MROH2B: variants seen among roughly 807,000 people sequenced by gnomAD.
MROH2B encodes maestro heat like repeat family member 2B.
MROH2B carries 177 observed loss-of-function variants against 208.6 expected under a neutral mutation model. That is an observed-to-expected ratio of 0.85 (90% CI 0.75 to 0.96). The LOEUF (loss-of-function observed/expected upper bound fraction) is 0.96, where lower values mean the gene tolerates loss of function less well. Ranked by LOEUF, MROH2B falls within the 40% of genes least tolerant of loss-of-function variation. MROH2B has a pLI of 0.00. For synonymous variants in MROH2B, 728 were observed against 659.0 expected, an observed-to-expected ratio of 1.10 and a Z score of -1.60; for missense variants, 2,002 against 1,878.7, an observed-to-expected ratio of 1.07 and a Z score of -1.21.
intron 29 of MROH2B, among the ~76,000 whole-genome samples, chr5:41,013,604 A>G (rs1741842821): frequency 2.0e-5 from 3 of 152,192 alleles, no homozygotes; most frequent in African/African-American, 7.2e-5. Flanking sequence ...TTGCACATCC[A>G]AACCATTTGC....
intron 24 of MROH2B, among the ~76,000 whole-genome samples, chr5:41,024,411 A>G (rs1742274938): frequency 6.6e-6 from 1 of 152,172 alleles, no homozygotes; most frequent in African/African-American, 2.4e-5. Context: ...CAGACTTTAA[A>G]CCAAAAAAGA....
intron 2 of MROH2B, among the ~76,000 whole-genome samples, chr5:41,068,700 T>C (rs1743885531): frequency 6.9e-6 from 1 of 144,054 alleles, no homozygotes; most frequent in Non-Finnish European, 1.5e-5. Context: ...TCAATGTTTC[T>C]GGGATCCGGA....
chr5:41,043,771 T>TG (rs1743032441), intron 18 of MROH2B, among the ~76,000 whole-genome samples: 1 of 152,194 alleles, frequency 6.6e-6, no homozygotes. Context: ...GAATCTGGGC[T>TG]GGCTTTTTGA....
intron 12 of MROH2B, among the ~76,000 whole-genome samples, chr5:41,051,777 G>A (rs1225043433): frequency 6.6e-6 from 1 of 152,126 alleles, no homozygotes; most frequent in African/African-American, 2.4e-5. Context: ...TGAACTGTGA[G>A]AAATAAATAT....
Position 41,051,015 on chromosome 5 carries a change from A to G in MROH2B, c.1306T>C (p.Leu436=). ...ATGACCAGTGGGTCCAGGGTTTTTAAGACCTCAAGGCTTGTTTCTCGGACA... is the reference window on the plus strand; with the variant it reads ...ATGACCAGTGGGTCCAGGGTTTTTAGGACCTCAAGGCTTGTTTCTCGGACA... ...ESVRETSLEV[L]KTLDPLVIGM... The change falls in exon 13 of 42, where the codon TTA becomes CTA. Residue 436 remains leucine (L), a synonymous_variant. Transcript: ENST00000399564. 1 of 1,567,022 alleles carries G rather than the reference A, an allele frequency of 6.4e-7. No individual in the cohort carries two copies. The highest frequency in any genetic ancestry group is 8.6e-7 in the Non-Finnish European group (1 of 1,162,382).
chr5:41,049,267 T>C lies in MROH2B; in HGVS notation c.1501+13A>G, dbSNP rs534554810. 2 of 1,612,808 alleles carry C rather than the reference T, an allele frequency of 1.2e-6. No homozygotes were observed. The highest frequency in any genetic ancestry group is 1.7e-5 in the Admixed American group (1 of 59,786). On this transcript the variant is annotated intron_variant, in intron 14 of 41. Coordinates refer to ENST00000399564, the MANE Select transcript of MROH2B (RefSeq NM_173489.5). ...TAATAGAAAAGCTTTTCTGTGTTTA[T>C]GAATGTACAGACCAGCTCCTGTAGA...
intron 32 of MROH2B, 54 bp downstream of exon 32, chr5:41,009,226 T>A: frequency 6.2e-7 from 1 of 1,604,200 alleles, no homozygotes; most frequent in Non-Finnish European, 8.5e-7. Flanking sequence ...TGGGGATAGA[T>A]CATAAAGATG....
chr5:41,069,833 T>A lies in MROH2B; in HGVS notation c.29-81A>T, dbSNP rs902798797. 1.5e-5 allele frequency: 15 copies of A among 1,023,668 alleles called. No individual in the cohort carries two copies. The African/African-American group carries it at 2.3e-4, about 16-fold the overall frequency. 63.4% of individuals were successfully genotyped at this position (1,023,668 alleles called of 1,614,324 possible). A position where few individuals can be genotyped will look rare whatever the true frequency, so the allele number is the denominator to read the frequency against. ...ATTATTTTGTAATCAACACAGAAAG[T>A]TCATTCATTCATTTATCCTCTCTCT... On this transcript the variant is annotated intron_variant, in intron 1 of 41. Coordinates refer to ENST00000399564, the MANE Select transcript of MROH2B (RefSeq NM_173489.5).
Position 41,066,216 on chromosome 5 carries a change from T to C in MROH2B, c.202-726A>G, listed in dbSNP as rs560209464. On this transcript the variant is annotated intron_variant, in intron 3 of 41. Transcript: ENST00000399564. ...ATAATCATGTCCAGTATTGGTGGTA[T>C]TGGGAAAGATTTCTGATTTTGGTGA... Among the ~76,000 whole-genome samples, 8 of 152,304 alleles carry C rather than the reference T, an allele frequency of 5.3e-5. 1 individual carries two copies. The highest frequency in any genetic ancestry group is 1.9e-4 in the African/African-American group (8 of 41,560).
At chr5:41,068,666 G>A (rs1561311078) in intron 2 of MROH2B, among the ~76,000 whole-genome samples, 1 of 152,128 alleles carries the variant, frequency 6.6e-6, no homozygotes, top group Non-Finnish European at 1.5e-5. Flanking sequence ...TATATTCTCT[G>A]ATCCCTTTAC....
Position 40,998,036 on chromosome 5 carries a change from T to C in MROH2B, c.*16A>G, listed in dbSNP as rs1240352242. 2.5e-6 allele frequency: 4 copies of C among 1,577,026 alleles called. No homozygotes were observed. In the African/African-American group the frequency reaches 5.4e-5, roughly 21 times the overall value. On this transcript the variant is annotated 3_prime_UTR_variant, in exon 42 of 42. Transcript: ENST00000399564. ...AGTCAGATATAGGAAAAGCCAGCAG[T>C]TTATTTCTTGATGGCTTACAGAGGA...
At chr5:41,012,479 C>A in intron 30 of MROH2B, 104 bp downstream of exon 30, 5 of 1,270,100 alleles carry the variant, frequency 3.9e-6, no homozygotes, top group East Asian at 2.5e-5. Flanking sequence ...GTTGTGCAAG[C>A]CTTTGCATGC....
chr5:41,034,423 G>C (rs150463327), intron 21 of MROH2B, among the ~76,000 whole-genome samples: 2 of 152,000 alleles, frequency 1.3e-5, no homozygotes, highest in Non-Finnish European at 2.9e-5. Flanking sequence ...ACTGAGCCAC[G>C]TAGGAATACT....
intron 21 of MROH2B, among the ~76,000 whole-genome samples, chr5:41,038,331 C>A (rs967368283): frequency 6.6e-6 from 1 of 152,108 alleles, no homozygotes; most frequent in Non-Finnish European, 1.5e-5. Flanking sequence ...GAGATCACTA[C>A]GGATATGATT....
chr5:41,057,574 T>TTTTTTTTTTTA (rs1561304757), intron 7 of MROH2B, among the ~76,000 whole-genome samples: 2 of 142,728 alleles, frequency 1.4e-5, no homozygotes, highest in African/African-American at 5.2e-5. Flanking sequence ...TTTTTTTTTT[T>TTTTTTTTTTTA]GAGACGGAGT....
intron 24 of MROH2B, among the ~76,000 whole-genome samples, chr5:41,020,975 A>T (rs571301601): frequency 6.6e-6 from 1 of 152,338 alleles, no homozygotes; most frequent in African/African-American, 2.4e-5. Context: ...TTAAAAAGGT[A>T]TCTAAATTGG....
chr5:41,012,493 C>G, intron 30 of MROH2B, 90 bp downstream of exon 30: 1 of 1,383,462 alleles, frequency 7.2e-7, no homozygotes, highest in Non-Finnish European at 9.8e-7. Flanking sequence ...TGCATGCTGC[C>G]CATCAGTGGA....
rs1267443440 is a variant in MROH2B, at chr5:41,004,371, A to C, written c.4169T>G (p.Leu1390Arg). Reference sequence around the variant, plus strand: ...ATCTTCAAAGAAGGTCCTTGTTTGCAGCACTATTTCCTTGAAGTAGAAGCT... The same window carrying C: ...ATCTTCAAAGAAGGTCCTTGTTTGCCGCACTATTTCCTTGAAGTAGAAGCT... ...DVSFYFKEIV[L>R]QTRTFFEDEQ... Residue 1390 changes from leucine (L) to arginine (R), a missense_variant, in exon 37 of 42, where the codon CTG (leucine) becomes CGG (arginine). Coordinates refer to ENST00000399564, the MANE Select transcript of MROH2B (RefSeq NM_173489.5). 1 of 1,613,578 alleles carries C rather than the reference A, an allele frequency of 6.2e-7. No individual in the cohort carries two copies. Among genetic ancestry groups the C allele is most frequent in the Admixed American group, 1.7e-5 (1 of 59,882 alleles).
chr5:41,045,777 A>C lies in MROH2B; in HGVS notation c.1805T>G (p.Met602Arg). 1 of 1,613,574 alleles carries C rather than the reference A, an allele frequency of 6.2e-7. No individual in the cohort carries two copies. Among genetic ancestry groups the C allele is most frequent in the South Asian group, 1.1e-5 (1 of 91,076 alleles). The change falls in exon 18 of 42, where the codon ATG becomes AGG. Residue 602 changes from methionine to arginine, a missense_variant. Physicochemically the swap from Met to Arg is moderately conservative, Grantham distance 91. Coordinates refer to ENST00000399564, the MANE Select transcript of MROH2B (RefSeq NM_173489.5). ...AGTGGAGTTATTGCTGTAACTGCCCATTTGCTGTTTGAAATCCTGAGTCAG... is the reference window on the plus strand; with the variant it reads ...AGTGGAGTTATTGCTGTAACTGCCCCTTTGCTGTTTGAAATCCTGAGTCAG... ...IQLTQDFKQQ[M>R]GSYSNNSTEK...
Sources: gnomAD v4.1 joint callset for allele counts (sites outside exome capture counted in the v4.1 genomes callset) on GRCh38, gnomAD v4.1.1 for gene constraint, MANE v1.5 for transcripts, NCBI Gene and HGNC (gene_info 2026-07-23, HGNC 2026-07-21) for gene names.